KCND3: variants seen among roughly 807,000 people sequenced by gnomAD.
KCND3 encodes the protein A-type voltage-gated potassium channel KCND3.
Under a neutral mutation model 51.1 loss-of-function variants are expected in KCND3, and 9 were observed. The ratio of observed to expected loss-of-function variants is 0.18; its 90% CI spans 0.11 to 0.31. The LOEUF is 0.31. Ranked by LOEUF, KCND3 falls within the 10% of genes least tolerant of loss-of-function variation. The pLI is 1.00. For missense variants in KCND3, 526 were observed against 903.8 expected (o/e 0.58, Z 5.36); for synonymous variants, 349 against 368.0 (o/e 0.95, Z 0.59).
At chr1:111,917,132 C>T (rs2101829093) in intron 2 of KCND3, among the ~76,000 whole-genome samples, 2 of 152,332 alleles carry the variant, frequency 1.3e-5, no homozygotes, top group East Asian at 3.9e-4. Flanking sequence ...CAGCTAACAT[C>T]ATACTTAACA....
intron 2 of KCND3, among the ~76,000 whole-genome samples, chr1:111,941,959 G>A (rs569639349): frequency 3.9e-5 from 6 of 152,278 alleles, no homozygotes; most frequent in East Asian, 3.9e-4. Context: ...ATAATCATCC[G>A]ATCACCTTGC....
intron 2 of KCND3, among the ~76,000 whole-genome samples, chr1:111,866,489 C>A (rs1668577941): frequency 6.6e-6 from 1 of 151,716 alleles, no homozygotes. Flanking sequence ...GGTCTTGAAT[C>A]CCTGAGCCCA....
intron 2 of KCND3, among the ~76,000 whole-genome samples, chr1:111,911,740 GA>G (rs1670956398): frequency 6.6e-6 from 1 of 152,182 alleles, no homozygotes; most frequent in African/African-American, 2.4e-5. Flanking sequence ...ATGATAAAAA[GA>G]ACTGGATTTA....
intron 2 of KCND3, among the ~76,000 whole-genome samples, chr1:111,973,417 T>C (rs1674450689): frequency 6.6e-6 from 1 of 152,204 alleles, no homozygotes; most frequent in African/African-American, 2.4e-5. Context: ...CCAGAATTTG[T>C]TTTCATATAA....
At chr1:111,803,699 G>T (rs1665429370) in intron 2 of KCND3, among the ~76,000 whole-genome samples, 1 of 152,184 alleles carries the variant, frequency 6.6e-6, no homozygotes, top group Admixed American at 6.5e-5. Flanking sequence ...AAAAATGAAA[G>T]GCAAGTGAGA....
chr1:111,980,493 GA>G lies in KCND3; in HGVS notation c.1106+1127del, dbSNP rs111803216. On this transcript the variant is annotated intron_variant, in intron 2 of 7. Transcript: ENST00000302127. ...ACTATTGCCTCTGGGTTTTGGCCAG[GA>G]AAAAAAAAAATCAAATCACCAGGAC... Among the ~76,000 whole-genome samples, 824 of 146,858 alleles carry G rather than the reference GA, an allele frequency of 5.6e-3. 5 individuals are homozygous for G. The highest frequency in any genetic ancestry group is 0.019 in the African/African-American group (751 of 40,220).
intron 2 of KCND3, among the ~76,000 whole-genome samples, chr1:111,848,293 T>C (rs1322788457): frequency 6.6e-6 from 1 of 152,158 alleles, no homozygotes. Flanking sequence ...GTCTGCTCTA[T>C]AGAGTGCTGA....
At chr1:111,804,535 G>A (rs1398804888) in intron 2 of KCND3, among the ~76,000 whole-genome samples, 1 of 152,204 alleles carries the variant, frequency 6.6e-6, no homozygotes, top group Non-Finnish European at 1.5e-5. Flanking sequence ...GGCTCCGCAA[G>A]GCTTCCTCAG....
chr1:111,789,511 C>T (rs961080156), intron 2 of KCND3, among the ~76,000 whole-genome samples: 19 of 152,242 alleles, frequency 1.2e-4, no homozygotes, highest in African/African-American at 3.9e-4. Context: ...TGCAGAACCA[C>T]TGCCCTGGAT....
intron 2 of KCND3, among the ~76,000 whole-genome samples, chr1:111,948,607 A>G (rs1672906144): frequency 6.6e-6 from 1 of 151,970 alleles, no homozygotes; most frequent in Non-Finnish European, 1.5e-5. Context: ...TTCCCCAGAG[A>G]GGCTTAAAAA....
intron 2 of KCND3, among the ~76,000 whole-genome samples, chr1:111,980,977 C>A (rs560073825): frequency 6.6e-6 from 1 of 152,248 alleles, no homozygotes; most frequent in African/African-American, 2.4e-5. Flanking sequence ...GACTAAAAAG[C>A]AAGACTGATA....
intron 2 of KCND3, among the ~76,000 whole-genome samples, chr1:111,805,333 G>A (rs565906022): frequency 6.6e-6 from 1 of 152,302 alleles, no homozygotes; most frequent in South Asian, 2.1e-4. Context: ...TTCCAGTCTG[G>A]CCAGAGATCC....
chr1:111,954,900 G>A (rs1673250390), intron 2 of KCND3, among the ~76,000 whole-genome samples: 1 of 152,152 alleles, frequency 6.6e-6, no homozygotes, highest in African/African-American at 2.4e-5. Flanking sequence ...TGTGACATAG[G>A]TCCTCCTCCT....
At chr1:111,839,276 T>TAC (rs1271039826) in intron 2 of KCND3, among the ~76,000 whole-genome samples, 3 of 152,270 alleles carry the variant, frequency 2.0e-5, no homozygotes, top group African/African-American at 4.8e-5. Flanking sequence ...GTCTGGAGTC[T>TAC]TGACCTCATT....
chr1:111,974,033 A>C (rs1674487971), intron 2 of KCND3, among the ~76,000 whole-genome samples: 1 of 152,204 alleles, frequency 6.6e-6, no homozygotes, highest in Admixed American at 6.5e-5. Context: ...AGCTAAATGC[A>C]ATCTTCCTCC....
At chr1:111,776,479 G>A (rs1664119932) in intron 7 of KCND3, among the ~76,000 whole-genome samples, 2 of 152,138 alleles carry the variant, frequency 1.3e-5, no homozygotes, top group African/African-American at 2.4e-5. Flanking sequence ...GTATATAGTA[G>A]GCTTTGAATT....
chr1:111,980,111 G>A (rs1180727293), intron 2 of KCND3, among the ~76,000 whole-genome samples: 1 of 152,098 alleles, frequency 6.6e-6, no homozygotes, highest in Non-Finnish European at 1.5e-5. Context: ...ACCCCACTGT[G>A]CCAAAAAGCC....
intron 2 of KCND3, among the ~76,000 whole-genome samples, chr1:111,828,768 C>T (rs1023616677): frequency 1.5e-4 from 23 of 152,306 alleles, no homozygotes; most frequent in African/African-American, 4.3e-4. Flanking sequence ...CTGTTGCCAC[C>T]GTCCATTAGC....
At chr1:111,838,684 A>C (rs1162348038) in intron 2 of KCND3, among the ~76,000 whole-genome samples, 1 of 151,996 alleles carries the variant, frequency 6.6e-6, no homozygotes, top group Non-Finnish European at 1.5e-5. Context: ...AGCAAAAACA[A>C]CAACAACAAC....
Sources: allele counts gnomAD v4.1 joint callset (sites outside exome capture counted in the v4.1 genomes callset), GRCh38; gene constraint gnomAD v4.1.1; transcripts MANE v1.5; gene names NCBI Gene and HGNC (gene_info 2026-07-23, HGNC 2026-07-21).